Variants in LYPD6B observed in about 807,000 individuals in gnomAD.
LYPD6B encodes the protein LY6/PLAUR domain containing 6B.
In LYPD6B, 17 loss-of-function variants were observed where a neutral mutation model predicts 22.8. The ratio of observed to expected loss-of-function variants is 0.75; its 90% confidence interval spans 0.51 to 1.12. LYPD6B has a LOEUF of 1.12. LYPD6B is among the 50% of genes most tolerant of loss of function. LYPD6B has a pLI of 0.00. For missense variants in LYPD6B, 221 were observed against 258.3 expected, an observed-to-expected ratio of 0.86 and a Z score of 0.99; for synonymous variants, 106 against 91.6, an observed-to-expected ratio of 1.16 and a Z score of -0.90.
chr2:149,152,460 G>GGGTC (rs1689440217), intron 2 of LYPD6B, among the ~76,000 whole-genome samples: 1 of 152,180 alleles, frequency 6.6e-6, no homozygotes, highest in African/African-American at 2.4e-5. Flanking sequence ...TTAGTCAATG[G>GGGTC]CTATGGAATT....
chr2:149,081,654 A>C (rs1186195228), intron 1 of LYPD6B, among the ~76,000 whole-genome samples: 1 of 152,084 alleles, frequency 6.6e-6, no homozygotes, highest in Non-Finnish European at 1.5e-5. Context: ...TGGATCAAGA[A>C]ACAGAACCTG....
chr2:149,075,656 A>G (rs958595086), intron 1 of LYPD6B, among the ~76,000 whole-genome samples: 1 of 152,188 alleles, frequency 6.6e-6, no homozygotes, highest in African/African-American at 2.4e-5. Flanking sequence ...TAATGTGCAT[A>G]GTTTGACTAT....
intron 1 of LYPD6B, among the ~76,000 whole-genome samples, chr2:149,128,825 A>C (rs557953009): frequency 6.6e-6 from 1 of 152,322 alleles, no homozygotes; most frequent in East Asian, 1.9e-4. Flanking sequence ...CCAGTAAAGA[A>C]CATATCACCT....
At chr2:149,114,970 C>T (rs934866428) in intron 1 of LYPD6B, among the ~76,000 whole-genome samples, 12 of 152,196 alleles carry the variant, frequency 7.9e-5, no homozygotes, top group African/African-American at 2.4e-4. Context: ...GATGGAGTCT[C>T]GCTCTGTTGC....
intron 1 of LYPD6B, chr2:149,101,641 C>G (rs889788511): frequency 2.6e-5 from 4 of 152,308 alleles, no homozygotes; most frequent in African/African-American, 9.6e-5. Context: ...GCACCGTCCT[C>G]TCTCCAAACC....
intron 1 of LYPD6B, among the ~76,000 whole-genome samples, chr2:149,080,000 C>T (rs1042296436): frequency 5.9e-5 from 9 of 152,138 alleles, no homozygotes; most frequent in Non-Finnish European, 1.0e-4. Context: ...AGGATAGCAC[C>T]GCTTTGTTTA....
intron 1 of LYPD6B, among the ~76,000 whole-genome samples, chr2:149,081,966 T>A (rs867727786): frequency 3.3e-5 from 5 of 152,194 alleles, no homozygotes; most frequent in Non-Finnish European, 5.9e-5. Flanking sequence ...GTTTGAGTAA[T>A]GCAAAATCCT....
chr2:149,122,345 C>A (rs1273027705), intron 1 of LYPD6B, among the ~76,000 whole-genome samples: 1 of 152,016 alleles, frequency 6.6e-6, no homozygotes, highest in African/African-American at 2.4e-5. Context: ...CTCCTAACCC[C>A]ACCCCTCCAG....
intron 1 of LYPD6B, among the ~76,000 whole-genome samples, chr2:149,093,492 A>G (rs1470903071): frequency 2.6e-5 from 4 of 152,184 alleles, no homozygotes; most frequent in African/African-American, 9.6e-5. Flanking sequence ...GAGACAATCC[A>G]TGGTGGTTTC....
At chr2:149,118,919 T>C (rs1007421890) in intron 1 of LYPD6B, among the ~76,000 whole-genome samples, 5 of 152,054 alleles carry the variant, frequency 3.3e-5, no homozygotes, top group African/African-American at 1.2e-4. Context: ...AGCGGTAGAG[T>C]TGTGTATTAC....
At chr2:149,130,402 A>G (rs962432825) in intron 1 of LYPD6B, among the ~76,000 whole-genome samples, 1 of 152,236 alleles carries the variant, frequency 6.6e-6, no homozygotes, top group African/African-American at 2.4e-5. Flanking sequence ...ATTTAGGCAC[A>G]CATCCATGGA....
intron 1 of LYPD6B, among the ~76,000 whole-genome samples, chr2:149,100,018 T>C (rs1686115944): frequency 6.6e-6 from 1 of 152,176 alleles, no homozygotes; most frequent in South Asian, 2.1e-4. Flanking sequence ...CCTCATCATG[T>C]TCAGTTTCAT....
At chr2:149,144,165 C>T (rs901022187) in intron 2 of LYPD6B, among the ~76,000 whole-genome samples, 4 of 152,194 alleles carry the variant, frequency 2.6e-5, no homozygotes, top group Non-Finnish European at 5.9e-5. Context: ...TGGAGATGGT[C>T]TGGTTCATCA....
chr2:149,094,390 G>A (rs1362335986), intron 1 of LYPD6B, among the ~76,000 whole-genome samples: 3 of 152,202 alleles, frequency 2.0e-5, no homozygotes, highest in African/African-American at 4.8e-5. Flanking sequence ...AAAACATTGT[G>A]TGCATAAAGA....
chr2:149,051,510 A>G (rs746040353), intron 1 of LYPD6B, among the ~76,000 whole-genome samples: 1 of 152,098 alleles, frequency 6.6e-6, no homozygotes, highest in Non-Finnish European at 1.5e-5. Context: ...ATGAAGGTAT[A>G]TCTGTTGCTA....
In LYPD6B at chr2:149,213,088, T is replaced by C. The variant is rs1194144367; in HGVS notation, c.425T>C (p.Val142Ala). ...GCCTCCAGAAGTGAATGTCATTTTGTCGGTTGCCACCACAGCCGAGATTCT... is the reference window on the plus strand; with the variant it reads ...GCCTCCAGAAGTGAATGTCATTTTGCCGGTTGCCACCACAGCCGAGATTCT... ...KCASRSECHF[V>A]GCHHSRDSEH... is the part of the protein sequence containing the mutation. Residue 142 changes from valine to alanine, a missense_variant, in exon 6 of 7, where the codon GTC becomes GCC. Physicochemically the swap from Val to Ala is moderately conservative, Grantham distance 64 (BLOSUM62 0). Transcript: ENST00000409642. The C allele has an allele frequency of 6.2e-7, 1 of 1,613,846 alleles. No individual in the cohort carries two copies. Among genetic ancestry groups the C allele is most frequent in the Non-Finnish European group, 8.5e-7 (1 of 1,179,870 alleles).
At chr2:149,106,290 T>A (rs1686467859) in intron 1 of LYPD6B, among the ~76,000 whole-genome samples, 1 of 152,160 alleles carries the variant, frequency 6.6e-6, no homozygotes, top group Admixed American at 6.5e-5. Flanking sequence ...ATTAGAGTAG[T>A]GCTGATTTCA....
chr2:149,098,542 G>A (rs1039514093), intron 1 of LYPD6B, among the ~76,000 whole-genome samples: 48 of 150,582 alleles, frequency 3.2e-4, no homozygotes, highest in African/African-American at 9.7e-4. Context: ...CAGGAGAATC[G>A]CTTGAACCTG....
chr2:149,167,271 G>A (rs1480923167), intron 3 of LYPD6B, among the ~76,000 whole-genome samples: 1 of 152,128 alleles, frequency 6.6e-6, no homozygotes, highest in Non-Finnish European at 1.5e-5. Flanking sequence ...CAGACTACAG[G>A]CAGGAAGCGT....
Sources: gnomAD v4.1 joint callset for allele counts (sites outside exome capture counted in the v4.1 genomes callset) on GRCh38, gnomAD v4.1.1 for gene constraint, MANE v1.5 for transcripts, NCBI Gene and HGNC (gene_info 2026-07-23, HGNC 2026-07-21) for gene names.